ATG10: variants seen among roughly 807,000 people sequenced by gnomAD.
ATG10 encodes autophagy related 10, also known as ubiquitin-like-conjugating enzyme ATG10.
ATG10 carries 30 observed loss-of-function variants against 32.1 expected under a neutral mutation model. That is an observed-to-expected ratio of 0.94 (90% CI 0.70 to 1.27). The LOEUF (loss-of-function observed/expected upper bound fraction) is 1.27, where lower values mean the gene tolerates loss of function less well. Ranked by LOEUF, ATG10 falls within the 50% of genes most tolerant of loss-of-function variation. ATG10 has a pLI of 0.00. For synonymous variants in ATG10, 87 were observed against 91.5 expected, an observed-to-expected ratio of 0.95 and a Z score of 0.28; for missense variants, 233 against 262.3, an observed-to-expected ratio of 0.89 and a Z score of 0.77.
chr5:82,062,559 A>T (rs1763819330), intron 3 of ATG10, among the ~76,000 whole-genome samples: 1 of 152,236 alleles, frequency 6.6e-6, no homozygotes. Context: ...TATTAATACT[A>T]ATAATGTCAC....
At chr5:82,227,233 A>AGT (rs1746167805) in intron 5 of ATG10, among the ~76,000 whole-genome samples, 1 of 152,022 alleles carries the variant, frequency 6.6e-6, no homozygotes, top group Non-Finnish European at 1.5e-5. Flanking sequence ...GTACAAAAGA[A>AGT]AGACATCTGA....
chr5:82,017,053 A>G (rs1287235259), intron 2 of ATG10, among the ~76,000 whole-genome samples: 1 of 151,640 alleles, frequency 6.6e-6, no homozygotes, highest in Non-Finnish European at 1.5e-5. Flanking sequence ...ATGTGTTTCT[A>G]CTTGTTTGTG....
chr5:82,091,237 T>A (rs1764871516), intron 3 of ATG10, among the ~76,000 whole-genome samples: 1 of 152,060 alleles, frequency 6.6e-6, no homozygotes, highest in Non-Finnish European at 1.5e-5. Context: ...TTTAAAAAAT[T>A]TGCTTTCTTT....
intron 5 of ATG10, among the ~76,000 whole-genome samples, chr5:82,206,723 A>G (rs762124523): frequency 1.3e-5 from 2 of 152,180 alleles, no homozygotes; most frequent in Middle Eastern, 3.2e-3. Context: ...ACACAACTCA[A>G]TGATTCCATC....
chr5:82,252,815 T>C, intron 6 of ATG10, 156 bp downstream of exon 6: 1 of 574,512 alleles, frequency 1.7e-6, no homozygotes, highest in Non-Finnish European at 3.0e-6. Flanking sequence ...GTTCTAAGAG[T>C]TTTAGATACA....
chr5:82,218,722 T>C (rs962801452), intron 5 of ATG10, among the ~76,000 whole-genome samples: 2 of 152,188 alleles, frequency 1.3e-5, no homozygotes, highest in Non-Finnish European at 2.9e-5. Flanking sequence ...ATTTCTGAAA[T>C]GTCAGGAGTG....
intron 5 of ATG10, among the ~76,000 whole-genome samples, chr5:82,251,466 T>C (rs1366316152): frequency 2.6e-5 from 4 of 152,152 alleles, no homozygotes; most frequent in Non-Finnish European, 5.9e-5. Context: ...ACTTCAGCTT[T>C]TCTAGGTTAG....
intron 5 of ATG10, among the ~76,000 whole-genome samples, chr5:82,179,360 A>G (rs183830691): frequency 6.6e-6 from 1 of 152,284 alleles, no homozygotes; most frequent in Non-Finnish European, 1.5e-5. Flanking sequence ...TGTATTAAGC[A>G]AATGAAAATA....
At chr5:82,041,921 G>A (rs538670026) in intron 2 of ATG10, among the ~76,000 whole-genome samples, 4 of 151,662 alleles carry the variant, frequency 2.6e-5, no homozygotes, top group South Asian at 2.1e-4. Flanking sequence ...TTTAGATATT[G>A]TATTTTTTTT....
chr5:82,142,393 G>A (rs957881153), intron 3 of ATG10, among the ~76,000 whole-genome samples: 1 of 152,166 alleles, frequency 6.6e-6, no homozygotes, highest in Non-Finnish European at 1.5e-5. Context: ...GGATGAGTAG[G>A]CATTTTCTAG....
Position 82,253,370 on chromosome 5 carries a change from A to C in ATG10, c.608A>C (p.Asn203Thr). 6.2e-7 allele frequency: 1 copy of C among 1,613,492 alleles called. No individual in the cohort carries two copies. The highest frequency in any genetic ancestry group is 8.5e-7 in the Non-Finnish European group (1 of 1,179,360). Residue 203 changes from asparagine (N) to threonine (T), a missense_variant, in exon 7 of 8, where the codon AAT becomes ACT. Coordinates refer to ENST00000282185, the MANE Select transcript of ATG10 (RefSeq NM_031482.5). ...LSIVGPVVGL[N>T]LPLSYAKATS... Reference sequence around the variant, plus strand: ...ATTGTAGGGCCAGTTGTTGGGCTGAATCTACCTCTGAGTTATGCCAAAGCA... The same window carrying C: ...ATTGTAGGGCCAGTTGTTGGGCTGACTCTACCTCTGAGTTATGCCAAAGCA...
At chr5:82,066,637 G>T (rs912881546) in intron 3 of ATG10, among the ~76,000 whole-genome samples, 1 of 152,090 alleles carries the variant, frequency 6.6e-6, no homozygotes, top group African/African-American at 2.4e-5. Flanking sequence ...ATAAAACTGA[G>T]AATCAGTAAC....
intron 5 of ATG10, among the ~76,000 whole-genome samples, chr5:82,186,618 G>T (rs1213174029): frequency 7.4e-6 from 1 of 135,934 alleles, no homozygotes; most frequent in African/African-American, 2.8e-5. Context: ...TTTTCAGACA[G>T]AGTCTTGCTC....
At position 81,982,838 on chromosome 5, in the gene ATG10, C is replaced by T. The variant is rs553108488; in HGVS notation, c.-12-4721C>T. 7.9e-5 allele frequency among the ~76,000 whole-genome samples: 12 copies of T among 152,312 alleles called. No homozygotes were observed. The South Asian group carries it at 1.9e-3, about 24-fold the overall frequency. On this transcript the variant is annotated intron_variant, in intron 1 of 7. Coordinates refer to ENST00000282185, the MANE Select transcript of ATG10 (RefSeq NM_031482.5). ...GCACCGCCCTTAATCCATTTAACCC[C>T]GAGTGGACACAGCACATGTTTCAGA...
chr5:82,113,986 A>G (rs1321058502), intron 3 of ATG10, among the ~76,000 whole-genome samples: 1 of 151,930 alleles, frequency 6.6e-6, no homozygotes, highest in Non-Finnish European at 1.5e-5. Flanking sequence ...AAAAATAATT[A>G]TAGTCAAATC....
At chr5:82,071,591 T>G (rs1764134392) in intron 3 of ATG10, among the ~76,000 whole-genome samples, 1 of 152,146 alleles carries the variant, frequency 6.6e-6, no homozygotes, top group Non-Finnish European at 1.5e-5. Context: ...TTTTCCTCCA[T>G]GTATTATACC....
chr5:81,975,317 C>G (rs938424928), intron 1 of ATG10, among the ~76,000 whole-genome samples: 1 of 151,954 alleles, frequency 6.6e-6, no homozygotes, highest in Admixed American at 6.6e-5. Context: ...AATGTGTATT[C>G]TGAAAAATAA....
chr5:82,160,850 G>T (rs555002449), intron 3 of ATG10, among the ~76,000 whole-genome samples: 1 of 152,016 alleles, frequency 6.6e-6, no homozygotes, highest in African/African-American at 2.4e-5. Context: ...CTTTTTAGTT[G>T]TTAGGATGGT....
intron 3 of ATG10, among the ~76,000 whole-genome samples, chr5:82,132,539 A>G (rs1397644820): frequency 2.0e-5 from 3 of 151,924 alleles, no homozygotes; most frequent in Non-Finnish European, 4.4e-5. Flanking sequence ...TTTGGTGAGA[A>G]TGATGGTTTC....
Sources: allele counts gnomAD v4.1 joint callset (sites outside exome capture counted in the v4.1 genomes callset), GRCh38; gene constraint gnomAD v4.1.1; transcripts MANE v1.5; gene names NCBI Gene and HGNC (gene_info 2026-07-23, HGNC 2026-07-21).